Variants in CACNA1A observed in about 807,000 individuals in gnomAD.
The protein encoded by CACNA1A is voltage-dependent P/Q-type calcium channel subunit alpha-1A.
A neutral mutation model predicts 262.4 loss-of-function variants in CACNA1A; 57 were observed. That is an observed-to-expected ratio of 0.22 (90% CI 0.18 to 0.27). CACNA1A has a LOEUF of 0.27. CACNA1A is among the 10% of genes least tolerant of loss of function. CACNA1A has a pLI of 1.00. For missense variants in CACNA1A, 2,526 were observed against 3,562.8 expected, an observed-to-expected ratio of 0.71 and a Z score of 7.41; for synonymous variants, 1,431 against 1,419.3, an observed-to-expected ratio of 1.01 and a Z score of -0.18.
chr19:13,232,797 C>G (rs956517560), intron 34 of CACNA1A, among the ~76,000 whole-genome samples: 2 of 151,108 alleles, frequency 1.3e-5, no homozygotes, highest in Admixed American at 6.6e-5. Context: ...GCCTGTAATC[C>G]CAGCACTTTG....
chr19:13,382,415 C>T (rs2059539518), intron 3 of CACNA1A, among the ~76,000 whole-genome samples: 2 of 152,150 alleles, frequency 1.3e-5, no homozygotes, highest in South Asian at 4.1e-4. Flanking sequence ...CATTACCTCA[C>T]AGCCTCCTCC....
intron 3 of CACNA1A, among the ~76,000 whole-genome samples, chr19:13,380,868 G>A (rs532996727): frequency 9.9e-5 from 15 of 151,416 alleles, no homozygotes; most frequent in Non-Finnish European, 2.2e-4. Flanking sequence ...CCGCCTCCTG[G>A]GCTCAGGTGA....
At chr19:13,408,640 T>TCACA (rs2144727365) in intron 3 of CACNA1A, among the ~76,000 whole-genome samples, 1 of 152,344 alleles carries the variant, frequency 6.6e-6, no homozygotes, top group African/African-American at 2.4e-5. Flanking sequence ...GCAATCATTC[T>TCACA]CACAGATGCA....
chr19:13,350,936 A>G (rs1037392861), intron 6 of CACNA1A, among the ~76,000 whole-genome samples: 3 of 152,020 alleles, frequency 2.0e-5, no homozygotes, highest in African/African-American at 7.3e-5. Context: ...CAGGAGTTTG[A>G]GCTGCAGTGA....
chr19:13,245,100 C>T (rs1399334865), intron 31 of CACNA1A, 82 bp downstream of exon 31: 2 of 1,099,210 alleles, frequency 1.8e-6, no homozygotes, highest in Admixed American at 1.7e-5. Flanking sequence ...GGACACACTG[C>T]CTCTGGGACC....
At chr19:13,461,954 G>C (rs1201324385) in intron 1 of CACNA1A, among the ~76,000 whole-genome samples, 3 of 152,184 alleles carry the variant, frequency 2.0e-5, no homozygotes, top group African/African-American at 7.2e-5. Flanking sequence ...CAATGAAATT[G>C]ATCAGGACCT....
chr19:13,219,382 T>C (rs1314660756), intron 38 of CACNA1A, among the ~76,000 whole-genome samples: 19 of 152,242 alleles, frequency 1.2e-4, no homozygotes, highest in Admixed American at 1.2e-3. Context: ...TGTAATAAAC[T>C]GTGAGTATAA....
At chr19:13,249,721 C>T (rs574065181) in intron 30 of CACNA1A, among the ~76,000 whole-genome samples, 8 of 152,108 alleles carry the variant, frequency 5.3e-5, no homozygotes, top group Non-Finnish European at 1.2e-4. Flanking sequence ...GCACGTTAGT[C>T]CATTTGCTGT....
At chr19:13,222,543 G>C (rs757795591) in intron 38 of CACNA1A, among the ~76,000 whole-genome samples, 1 of 150,392 alleles carries the variant, frequency 6.6e-6, no homozygotes, top group Non-Finnish European at 1.5e-5. Flanking sequence ...CTACAGGTGC[G>C]TGCCACCACA....
chr19:13,505,925 AG>A lies in CACNA1A; in HGVS notation c.293+6del, dbSNP rs754311055. On this transcript the variant is annotated splice_donor_region_variant and intron_variant, in intron 1 of 46. Transcript: ENST00000360228. ...CAGCTGCTGCTGGGGTTCGGGCAAA[AG>A]GATATGGCCATTCGGTGATCTTTTT... 6.2e-7 allele frequency: 1 copy of A among 1,611,500 alleles called. No individual in the cohort carries two copies. The highest frequency in any genetic ancestry group is 1.1e-5 in the South Asian group (1 of 90,548).
intron 1 of CACNA1A, among the ~76,000 whole-genome samples, 170 bp from the exon 2 acceptor site, chr19:13,455,382 A>G (rs988684771): frequency 6.6e-6 from 1 of 152,164 alleles, no homozygotes; most frequent in African/African-American, 2.4e-5. Flanking sequence ...TGCAGATCTC[A>G]AACCCAGATC....
chr19:13,220,969 A>C (rs1490956757), intron 38 of CACNA1A, among the ~76,000 whole-genome samples: 1 of 151,340 alleles, frequency 6.6e-6, no homozygotes, highest in Admixed American at 6.6e-5. Context: ...GGCATTAACA[A>C]TATCTGTCCT....
intron 3 of CACNA1A, among the ~76,000 whole-genome samples, chr19:13,430,258 T>A (rs2060483952): frequency 6.6e-6 from 1 of 151,956 alleles, no homozygotes; most frequent in Non-Finnish European, 1.5e-5. Context: ...CCAGGCTGGA[T>A]TGCAATGGCA....
chr19:13,283,966 A>T (rs1240291831), intron 21 of CACNA1A: 3 of 152,854 alleles, frequency 2.0e-5, no homozygotes, highest in Non-Finnish European at 4.4e-5. Context: ...TATTGAAATT[A>T]TGAATTGCAG....
intron 24 of CACNA1A, chr19:13,275,558 G>A (rs1008648353): frequency 2.2e-6 from 1 of 451,572 alleles, no homozygotes; most frequent in Non-Finnish European, 4.1e-6. Context: ...GTTCCGGCGA[G>A]GCTAGTCTAC....
At chr19:13,263,027 G>A (rs2056773534) in intron 24 of CACNA1A, 194 bp from the exon 25 acceptor site, 1 of 582,388 alleles carries the variant, frequency 1.7e-6, no homozygotes, top group Non-Finnish European at 3.1e-6. Flanking sequence ...GAGCCAGTAA[G>A]TACGTGGCTT....
chr19:13,288,932 T>G (rs2144899595), intron 19 of CACNA1A, among the ~76,000 whole-genome samples: 1 of 152,240 alleles, frequency 6.6e-6, no homozygotes, highest in Admixed American at 6.5e-5. Context: ...AGAGACAAGC[T>G]AATTTATTTT....
intron 3 of CACNA1A, among the ~76,000 whole-genome samples, chr19:13,384,539 A>G (rs1378099655): frequency 6.6e-6 from 1 of 152,200 alleles, no homozygotes; most frequent in African/African-American, 2.4e-5. Context: ...CTCTACCAAA[A>G]ATACAAGAAA....
At chr19:13,235,760 T>G in intron 31 of CACNA1A, 30 bp from the exon 32 acceptor site, 1 of 1,507,468 alleles carries the variant, frequency 6.6e-7, no homozygotes, top group Non-Finnish European at 9.2e-7. Flanking sequence ...GGGGTGACCA[T>G]CCACCCACCC....
Sources: gnomAD v4.1 joint callset for allele counts (sites outside exome capture counted in the v4.1 genomes callset) on GRCh38, gnomAD v4.1.1 for gene constraint, MANE v1.5 for transcripts, NCBI Gene and HGNC (gene_info 2026-07-23, HGNC 2026-07-21) for gene names.